TEK: variants seen among roughly 807,000 people sequenced by gnomAD.
TEK encodes the protein TEK receptor tyrosine kinase.
Under a neutral mutation model 131.8 loss-of-function variants are expected in TEK, and 43 were observed. The observed-to-expected ratio is 0.33, with a 90% CI of 0.26 to 0.42. TEK has a LOEUF of 0.42. Ranked by LOEUF, TEK falls within the 10% of genes least tolerant of loss-of-function variation. The pLI, the probability that TEK is intolerant of heterozygous loss-of-function variation, is 1.00. For missense variants in TEK, 1,162 were observed against 1,384.4 expected, an observed-to-expected ratio of 0.84 and a Z score of 2.55; for synonymous variants, 580 against 491.6, an observed-to-expected ratio of 1.18 and a Z score of -2.38.
chr9:27,210,335 T>C (rs1162309475), intron 16 of TEK: 1 of 154,408 alleles, frequency 6.5e-6, no homozygotes, highest in African/African-American at 2.4e-5. Flanking sequence ...ACATGGTGAG[T>C]GTTCTTAAAA....
intron 17 of TEK, 46 bp from the exon 18 acceptor site, chr9:27,213,438 G>A: frequency 7.0e-7 from 1 of 1,431,986 alleles, no homozygotes; most frequent in East Asian, 2.3e-5. Flanking sequence ...TTCAGCCCTG[G>A]GGCTTTCATT....
intron 21 of TEK, among the ~76,000 whole-genome samples, chr9:27,220,443 C>T (rs950873088): frequency 2.6e-5 from 4 of 151,628 alleles, no homozygotes; most frequent in Non-Finnish European, 4.4e-5. Context: ...ACATACAACA[C>T]TATCCTTGGG....
chr9:27,195,024 G>T (rs1824955574), intron 11 of TEK, among the ~76,000 whole-genome samples: 1 of 152,086 alleles, frequency 6.6e-6, no homozygotes, highest in Non-Finnish European at 1.5e-5. Flanking sequence ...AGGATTAGGA[G>T]GTGTAAATGT....
At chr9:27,147,106 G>C (rs1564059557) in intron 1 of TEK, among the ~76,000 whole-genome samples, 1 of 152,138 alleles carries the variant, frequency 6.6e-6, no homozygotes, top group Non-Finnish European at 1.5e-5. Flanking sequence ...TGATACGTAA[G>C]TGTATGTTTA....
intron 1 of TEK, among the ~76,000 whole-genome samples, chr9:27,109,995 C>T (rs1821273407): frequency 6.8e-6 from 1 of 146,322 alleles, no homozygotes; most frequent in Non-Finnish European, 1.5e-5. Context: ...AAAGAACAAA[C>T]CGGTTTTACC....
intron 16 of TEK, 77 bp from the exon 17 acceptor site, chr9:27,212,630 A>G (rs912491282): frequency 6.5e-6 from 10 of 1,537,472 alleles, no homozygotes; most frequent in Non-Finnish European, 8.1e-6. Flanking sequence ...TTTATAGGCA[A>G]TTTCCACAGC....
chr9:27,215,366 A>T (rs1825782823), intron 18 of TEK, among the ~76,000 whole-genome samples: 1 of 152,152 alleles, frequency 6.6e-6, no homozygotes, highest in African/African-American at 2.4e-5. Flanking sequence ...AGTTCCCTGC[A>T]AGAAAGGTGC....
At chr9:27,226,728 A>G (rs1826344924) in intron 21 of TEK, among the ~76,000 whole-genome samples, 1 of 152,150 alleles carries the variant, frequency 6.6e-6, no homozygotes, top group South Asian at 2.1e-4. Context: ...TATAATAATA[A>G]AAAAATAAAG....
chr9:27,172,741 G>A lies in TEK; in HGVS notation c.754G>A (p.Glu252Lys), dbSNP rs367963556. 27 of 1,613,418 alleles carry A rather than the reference G, an allele frequency of 1.7e-5. No individual in the cohort carries two copies. The highest frequency in any genetic ancestry group is 2.2e-5 in the Non-Finnish European group (26 of 1,179,594). ...CPPGFMGRTC[E>K]KACELHTFGR... Reference sequence around the variant, plus strand: ...TCCTGGGTTTATGGGAAGGACGTGTGAGAAGGGTAAGTAAAGAGACTTGAT... The same window carrying A: ...TCCTGGGTTTATGGGAAGGACGTGTAAGAAGGGTAAGTAAAGAGACTTGAT... Residue 252 changes from glutamate to lysine, a missense_variant, in exon 5 of 23, where the codon GAG becomes AAG. Around this residue, in one of 6 missense-constraint regions of TEK, gnomAD observed 436 missense variants for 539.1 expected, o/e 0.81. Coordinates refer to ENST00000380036, the MANE Select transcript of TEK (RefSeq NM_000459.5).
At chr9:27,180,410 G>A in intron 7 of TEK, 42 bp downstream of exon 7, 12 of 1,596,934 alleles carry the variant, frequency 7.5e-6, no homozygotes, top group Non-Finnish European at 1.0e-5. Flanking sequence ...TGTTCAGCAT[G>A]TCTGAACTGA....
intron 16 of TEK, among the ~76,000 whole-genome samples, chr9:27,210,165 T>C (rs1825551065): frequency 6.6e-6 from 1 of 152,204 alleles, no homozygotes; most frequent in South Asian, 2.1e-4. Context: ...CCAGATCATG[T>C]CCCTTAGGTT....
In TEK at chr9:27,202,827, T is replaced by C. The variant is rs748557906; in HGVS notation, c.1917T>C (p.Pro639=). The part of the protein sequence containing the change: ...LTAWTLSDIL[P]PQPENIKISN... The stretch of plus-strand genomic sequence containing the variant: ...TTTCTTTTTAATTTCTAGTTCTTCC[T>C]CCTCAACCAGAAAACATCAAGATTT... Residue 639 remains proline, a synonymous_variant, in exon 13 of 23, where the codon CCT becomes CCC. Coordinates refer to ENST00000380036, the MANE Select transcript of TEK (RefSeq NM_000459.5). 13 of 1,613,908 alleles carry C rather than the reference T, an allele frequency of 8.1e-6. No individual in the cohort carries two copies. Among genetic ancestry groups the C allele is most frequent in the Non-Finnish European group, 1.1e-5 (13 of 1,179,910 alleles).
chr9:27,182,450 A>T (rs1235746157), intron 7 of TEK, among the ~76,000 whole-genome samples: 1 of 152,252 alleles, frequency 6.6e-6, no homozygotes, highest in Non-Finnish European at 1.5e-5. Flanking sequence ...AGATATATCA[A>T]GGAATAACCT....
intron 6 of TEK, among the ~76,000 whole-genome samples, chr9:27,174,964 GTT>G (rs142396728): frequency 7.3e-5 from 11 of 149,952 alleles, no homozygotes; most frequent in South Asian, 6.3e-4. Flanking sequence ...AGGTTTTTTT[GTT>G]TTTTTTTTAA....
chr9:27,223,925 G>A (rs1356707242), intron 21 of TEK, among the ~76,000 whole-genome samples: 3 of 151,988 alleles, frequency 2.0e-5, no homozygotes, highest in East Asian at 3.9e-4. Flanking sequence ...ATGATAAAGG[G>A]GATATCACCA....
At chr9:27,188,021 G>A (rs1407010304) in intron 9 of TEK, among the ~76,000 whole-genome samples, 1 of 152,162 alleles carries the variant, frequency 6.6e-6, no homozygotes, top group Non-Finnish European at 1.5e-5. Flanking sequence ...AAATCATGCA[G>A]AGGAATGTTA....
At position 27,180,231 on chromosome 9, in the gene TEK, T is replaced by C; in HGVS notation, c.902-9T>C. On this transcript the variant is annotated splice_polypyrimidine_tract_variant and intron_variant, in intron 6 of 22. Coordinates refer to ENST00000380036, the MANE Select transcript of TEK (RefSeq NM_000459.5). ...ATTAATACTGGTTTTTTGATGTCTC[T>C]GTTTACAGCATGCCACCCTGGTTTT... The C allele has an allele frequency of 6.2e-7, 1 of 1,613,772 alleles. No homozygotes were observed. Among genetic ancestry groups the C allele is most frequent in the Non-Finnish European group, 8.5e-7 (1 of 1,179,736 alleles).
intron 1 of TEK, among the ~76,000 whole-genome samples, chr9:27,118,249 A>G (rs1284476904): frequency 6.6e-6 from 1 of 152,188 alleles, no homozygotes; most frequent in Non-Finnish European, 1.5e-5. Flanking sequence ...GATTTTTAAT[A>G]TTTCACAACT....
At chr9:27,170,621 C>G (rs1823919901) in intron 4 of TEK, among the ~76,000 whole-genome samples, 1 of 151,664 alleles carries the variant, frequency 6.6e-6, no homozygotes, top group African/African-American at 2.4e-5. Flanking sequence ...AAAACAAAAA[C>G]TATAAAGCAA....
Sources: allele counts gnomAD v4.1 joint callset (sites outside exome capture counted in the v4.1 genomes callset), GRCh38; gene constraint gnomAD v4.1.1; regional missense constraint gnomAD v4.1.1; transcripts MANE v1.5; gene names NCBI Gene and HGNC (gene_info 2026-07-23, HGNC 2026-07-21).